The following MIS18A variants were observed in gnomAD, a reference collection of about 807,000 sequenced individuals.
MIS18A encodes the protein MIS18 kinetochore protein A, also known as protein Mis18-alpha.
MIS18A carries 14 observed loss-of-function variants against 25.0 expected under a neutral mutation model. The observed-to-expected ratio is 0.56, with a 90% CI of 0.37 to 0.88. MIS18A has a LOEUF of 0.88. Ranked by LOEUF, MIS18A falls within the 40% of genes least tolerant of loss-of-function variation. MIS18A has a pLI of 0.00. For synonymous variants in MIS18A, 134 were observed against 118.6 expected (o/e 1.13, Z -0.84); for missense variants, 292 against 290.8 (o/e 1.00, Z -0.03).
At chr21:32,219,887 C>T in the MIS18A span, among the ~76,000 whole-genome samples, 1 of 152,206 alleles carries the variant, frequency 6.6e-6, no homozygotes, top group Non-Finnish European at 1.5e-5. Flanking sequence ...GAGCCCACCA[C>T]AGCACGGCAA....
chr21:32,219,847 A>G, the MIS18A span, among the ~76,000 whole-genome samples: 3 of 152,188 alleles, frequency 2.0e-5, no homozygotes, highest in Admixed American at 2.0e-4. Context: ...CACAGTGTAA[A>G]CAAAGCCTTA....
chr21:32,173,728 G>A, the MIS18A span, among the ~76,000 whole-genome samples: 1 of 151,944 alleles, frequency 6.6e-6, no homozygotes, highest in East Asian at 1.9e-4. Context: ...CACAGAAACA[G>A]AAAAAATACA....
chr21:32,270,508 G>A lies in MIS18A; in HGVS notation c.423C>T (p.Cys141=), dbSNP rs776516185. ...AGCCAAGATTGAGTGAGCACCCCGC[G>A]CAGCACAAAGTCTCAAGGACGCTGC... is the stretch of plus-strand genomic sequence containing the variant. ...ENGCVLETLC[C]AGCSLNLGYV... The change falls in exon 3 of 5, where the codon TGC becomes TGT. Residue 141 remains cysteine (C), a synonymous_variant. Coordinates refer to ENST00000290130, the MANE Select transcript of MIS18A (RefSeq NM_018944.3). 117 of 1,597,016 alleles carry A rather than the reference G, an allele frequency of 7.3e-5. No homozygotes were observed. In the South Asian group the frequency reaches 8.9e-4, roughly 12 times the overall value.
the MIS18A span, among the ~76,000 whole-genome samples, chr21:32,159,460 G>C: frequency 2.0e-5 from 3 of 152,268 alleles, no homozygotes; most frequent in African/African-American, 7.2e-5. Flanking sequence ...AGCATATACA[G>C]GCAAAAATCA....
the MIS18A span, among the ~76,000 whole-genome samples, chr21:32,211,364 A>C: frequency 6.6e-6 from 1 of 152,214 alleles, no homozygotes; most frequent in Non-Finnish European, 1.5e-5. Context: ...AATTGGAGAA[A>C]GGAGGAAAGG....
At chr21:32,263,575 TAGGTAACAG>T (rs1225480429), downstream of MIS18A, among the ~76,000 whole-genome samples, 1 of 152,170 alleles carries the variant, frequency 6.6e-6, no homozygotes, top group Non-Finnish European at 1.5e-5. Context: ...CACTCCAGCC[TAGGTAACAG>T]AGTGAGACTT....
rs1223490579 is a variant in MIS18A at position 32,278,955 on chromosome 21, G to T, written c.60C>A (p.Gly20=). 1 of 1,612,702 alleles carries T rather than the reference G, an allele frequency of 6.2e-7. No homozygotes were observed. The change falls in exon 1 of 5, where the codon GGC becomes GGA. Residue 20 remains glycine (G), a synonymous_variant. Coordinates refer to ENST00000290130, the MANE Select transcript of MIS18A (RefSeq NM_018944.3). ...SRGCAGGCEC[G]DKGKCSDSSL... Reference sequence around the variant, plus strand: ...AGGAGTCGCTGCATTTGCCCTTGTCGCCGCACTCACAGCCGCCAGCGCATC... The same window carrying T: ...AGGAGTCGCTGCATTTGCCCTTGTCTCCGCACTCACAGCCGCCAGCGCATC...
At chr21:32,197,579 T>G in the MIS18A span, among the ~76,000 whole-genome samples, 1 of 152,238 alleles carries the variant, frequency 6.6e-6, no homozygotes, top group Non-Finnish European at 1.5e-5. Flanking sequence ...TGAGCAACTA[T>G]GCACTAATGA....
chr21:32,236,053 T>C, the MIS18A span, among the ~76,000 whole-genome samples: 3 of 147,762 alleles, frequency 2.0e-5, no homozygotes, highest in Admixed American at 1.4e-4. Flanking sequence ...TGCTATTGTT[T>C]AATGCCAACT....
the MIS18A span, among the ~76,000 whole-genome samples, chr21:32,236,678 G>C: frequency 1.3e-5 from 2 of 152,090 alleles, no homozygotes; most frequent in Non-Finnish European, 2.9e-5. Flanking sequence ...AGGTAAAGGG[G>C]TGGATATGCC....
At chr21:32,186,247 C>A in the MIS18A span, among the ~76,000 whole-genome samples, 2 of 152,192 alleles carry the variant, frequency 1.3e-5, no homozygotes, top group Admixed American at 6.5e-5. Flanking sequence ...TTTTCAGAGA[C>A]TCTGTTCTCT....
chr21:32,214,085 C>T, the MIS18A span, among the ~76,000 whole-genome samples: 1 of 152,226 alleles, frequency 6.6e-6, no homozygotes, highest in African/African-American at 2.4e-5. Flanking sequence ...CTGACATCCA[C>T]CAGCCAGTGC....
chr21:32,165,758 C>T, the MIS18A span, among the ~76,000 whole-genome samples: 1 of 152,106 alleles, frequency 6.6e-6, no homozygotes, highest in African/African-American at 2.4e-5. Flanking sequence ...GATGAGAGCT[C>T]CATGGAAGAA....
chr21:32,260,184 A>C, the MIS18A span: 5 of 150,830 alleles, frequency 3.3e-5, no homozygotes, highest in Non-Finnish European at 7.4e-5. Context: ...GATCTCTGGA[A>C]AACACAACCC....
rs371846912 is a variant in MIS18A at position 32,274,365 on chromosome 21, C to T, written c.401+465G>A. Among the ~76,000 whole-genome samples the T allele has an allele frequency of 6.6e-5, 10 of 151,930 alleles. No individual in the cohort carries two copies. In the East Asian group the frequency reaches 1.7e-3, roughly 26 times the overall value. On this transcript the variant is annotated intron_variant, in intron 2 of 4. Coordinates refer to ENST00000290130, the MANE Select transcript of MIS18A (RefSeq NM_018944.3). The stretch of plus-strand genomic sequence containing the variant: ...GATTACAGGCCCGCACCACCATGCC[C>T]GGCTAATTTGTGTATTTTTAGTGGA...
At chr21:32,176,805 G>GAA in the MIS18A span, among the ~76,000 whole-genome samples, 9 of 150,164 alleles carry the variant, frequency 6.0e-5, no homozygotes, top group South Asian at 4.2e-4. Flanking sequence ...AAAATCAAGT[G>GAA]AAAAAAAAAG....
the MIS18A span, among the ~76,000 whole-genome samples, chr21:32,172,612 G>A: frequency 6.8e-6 from 1 of 147,002 alleles, no homozygotes. Flanking sequence ...TTTTAACAGA[G>A]ACTAACAAGA....
chr21:32,180,063 G>A, the MIS18A span, among the ~76,000 whole-genome samples: 1 of 152,202 alleles, frequency 6.6e-6, no homozygotes, highest in Non-Finnish European at 1.5e-5. Flanking sequence ...AAGAAACCCA[G>A]AACTGGCTTA....
chr21:32,183,227 A>G, the MIS18A span, among the ~76,000 whole-genome samples: 1 of 152,176 alleles, frequency 6.6e-6, no homozygotes. Context: ...CCTATCACGG[A>G]CTTCTGCTAT....
Sources: gnomAD v4.1 joint callset for allele counts (sites outside exome capture counted in the v4.1 genomes callset) on GRCh38, gnomAD v4.1.1 for gene constraint, MANE v1.5 for transcripts, NCBI Gene and HGNC (gene_info 2026-07-23, HGNC 2026-07-21) for gene names.